Variants in ADAM23 observed in about 807,000 individuals in gnomAD.
ADAM23 encodes disintegrin and metalloproteinase domain-containing protein 23.
A neutral mutation model predicts 120.1 loss-of-function variants in ADAM23; 33 were observed. The ratio of observed to expected loss-of-function variants is 0.27; its 90% CI spans 0.21 to 0.37. The LOEUF (loss-of-function observed/expected upper bound fraction) is 0.37, where lower values mean the gene tolerates loss of function less well. Among genes scored for constraint, ADAM23 ranks in the 10% least tolerant of loss-of-function variants. ADAM23 has a pLI of 1.00. For synonymous variants in ADAM23, 367 were observed against 375.2 expected (o/e 0.98, Z 0.25); for missense variants, 862 against 1,058.2 (o/e 0.81, Z 2.57).
intron 24 of ADAM23, chr2:206,608,002 A>C (rs990964001): frequency 2.2e-6 from 1 of 451,374 alleles, no homozygotes; most frequent in African/African-American, 2.0e-5. Flanking sequence ...TCCAAAGCAT[A>C]GAGTATGTAC....
At chr2:206,611,457 C>CA (rs368508019) in intron 25 of ADAM23, among the ~76,000 whole-genome samples, 2 of 152,054 alleles carry the variant, frequency 1.3e-5, no homozygotes, top group African/African-American at 4.8e-5. Flanking sequence ...TCCACTGCTA[C>CA]AAAAAAGTCA....
At chr2:206,584,702 G>A (rs140713225) in intron 18 of ADAM23, among the ~76,000 whole-genome samples, 5 of 152,194 alleles carry the variant, frequency 3.3e-5, no homozygotes, top group Non-Finnish European at 4.4e-5. Flanking sequence ...GTTCTTCCCC[G>A]GCCTGTGAAG....
intron 3 of ADAM23, among the ~76,000 whole-genome samples, chr2:206,529,517 G>T (rs759375652): frequency 3.9e-5 from 6 of 151,956 alleles, no homozygotes; most frequent in Non-Finnish European, 7.4e-5. Context: ...TTCCACCTCA[G>T]GCTCCCTAGT....
chr2:206,533,553 A>T (rs1182242712), intron 4 of ADAM23, among the ~76,000 whole-genome samples: 3 of 152,304 alleles, frequency 2.0e-5, no homozygotes, highest in South Asian at 2.1e-4. Flanking sequence ...TTGTACACAC[A>T]CATGTAGACA....
intron 3 of ADAM23, among the ~76,000 whole-genome samples, chr2:206,527,250 A>G (rs1186893313): frequency 3.3e-5 from 5 of 152,252 alleles, no homozygotes; most frequent in African/African-American, 1.2e-4. Context: ...TGCTAAATAG[A>G]TGAGTATTAG....
chr2:206,562,514 C>G (rs1325423561), intron 13 of ADAM23, among the ~76,000 whole-genome samples: 4 of 152,108 alleles, frequency 2.6e-5, no homozygotes, highest in African/African-American at 9.7e-5. Flanking sequence ...TACCCAGTTT[C>G]TCCGGGAATG....
chr2:206,587,350 A>G lies in ADAM23; in HGVS notation c.1763A>G (p.Asp588Gly), dbSNP rs368513431. Reference protein sequence around the residue: ...GQCPPNLHKQDGYACNQNQGR... With the variant: ...GQCPPNLHKQGGYACNQNQGR... ...TGCCCACCAAATCTTCATAAGCAAG[A>G]CGGATATGCATGCAATCAAAATCAG... The change falls in exon 19 of 26, where the codon GAC becomes GGC. Residue 588 changes from aspartate (D) to glycine (G), a missense_variant. Around this residue, in one of 4 missense-constraint regions of ADAM23, gnomAD observed 617 missense variants for 813.5 expected, o/e 0.76. Transcript: ENST00000264377. 9.3e-6 allele frequency: 15 copies of G among 1,608,528 alleles called. No individual in the cohort carries two copies. The highest frequency in any genetic ancestry group is 1.3e-5 in the Non-Finnish European group (15 of 1,177,212).
chr2:206,563,824 G>T (rs1697820645), intron 13 of ADAM23, among the ~76,000 whole-genome samples: 1 of 151,742 alleles, frequency 6.6e-6, no homozygotes, highest in East Asian at 1.9e-4. Flanking sequence ...CCACCTCCTG[G>T]GTTCATGCCA....
rs537217145 is a variant in ADAM23 at position 206,594,658 on chromosome 2, T to A, written c.2079-79T>A. 25 of 1,536,316 alleles carry A rather than the reference T, an allele frequency of 1.6e-5. No homozygotes were observed. In the East Asian group the frequency reaches 3.9e-4, roughly 24 times the overall value. ...CATCCACTGACAGCCTCTTCGGTTT[T>A]GTGAAGAGCAAGCCTCATTCATGGA... On this transcript the variant is annotated intron_variant, in intron 22 of 25. Transcript: ENST00000264377.
intron 13 of ADAM23, 36 bp downstream of exon 13, chr2:206,562,329 C>T (rs1697784914): frequency 2.6e-6 from 4 of 1,518,082 alleles, no homozygotes; most frequent in Non-Finnish European, 2.7e-6. Flanking sequence ...TTTTCATGTG[C>T]CATTCTGTCT....
At chr2:206,593,331 C>T (rs1698461884) in intron 22 of ADAM23, among the ~76,000 whole-genome samples, 1 of 152,072 alleles carries the variant, frequency 6.6e-6, no homozygotes. Context: ...AGTTATAATT[C>T]GAAGATACTA....
intron 3 of ADAM23, among the ~76,000 whole-genome samples, chr2:206,498,186 T>C (rs1039342165): frequency 7.9e-5 from 12 of 152,186 alleles, no homozygotes; most frequent in African/African-American, 2.7e-4. Context: ...AGAGCCCGCA[T>C]TGCCAAGTCA....
intron 15 of ADAM23, among the ~76,000 whole-genome samples, chr2:206,569,589 T>C (rs1559269010): frequency 6.6e-6 from 1 of 152,174 alleles, no homozygotes; most frequent in Non-Finnish European, 1.5e-5. Flanking sequence ...CGTCTCAGGA[T>C]GGAGGCAGAG....
intron 11 of ADAM23, 54 bp from the exon 12 acceptor site, chr2:206,561,074 T>C: frequency 1.3e-6 from 2 of 1,489,234 alleles, no homozygotes; most frequent in Non-Finnish European, 1.9e-6. Context: ...TTTGGGAGAG[T>C]ATGAAATGAT....
In ADAM23 at chr2:206,620,759, A is replaced by G. The variant is rs954257659; in HGVS notation, c.*3132A>G. The G allele has an allele frequency of 6.6e-6, 1 of 152,226 alleles. No individual in the cohort carries two copies. Among genetic ancestry groups the G allele is most frequent in the Non-Finnish European group, 1.5e-5 (1 of 68,044 alleles). 9.4% of individuals were successfully genotyped at this position (152,226 alleles called of 1,614,324 possible). ...CCTACTAGATAACTGAGCAGTACAC[A>G]TAAGTGCATGTTATGAAACATGAAT... On this transcript the variant is annotated 3_prime_UTR_variant, in exon 26 of 26. Coordinates refer to ENST00000264377, the MANE Select transcript of ADAM23 (RefSeq NM_003812.4).
intron 3 of ADAM23, among the ~76,000 whole-genome samples, chr2:206,502,893 T>TA (rs1696418911): frequency 6.6e-6 from 1 of 152,294 alleles, no homozygotes; most frequent in South Asian, 2.1e-4. Flanking sequence ...CGTGGTAGAG[T>TA]ACCCTATATT....
chr2:206,574,806 C>T (rs1218574114), intron 18 of ADAM23, among the ~76,000 whole-genome samples: 1 of 152,122 alleles, frequency 6.6e-6, no homozygotes, highest in Non-Finnish European at 1.5e-5. Context: ...TAATATTGCC[C>T]TCTAAAATTC....
chr2:206,458,575 A>G (rs6716319), intron 2 of ADAM23, among the ~76,000 whole-genome samples: 47,485 of 152,022 alleles, frequency 0.31, 7,529 homozygotes, highest in African/African-American at 0.34. Context: ...TTTTCCATAA[A>G]CCTTTGCCTA....
intron 3 of ADAM23, among the ~76,000 whole-genome samples, chr2:206,513,165 C>G (rs1220415106): frequency 1.3e-5 from 2 of 152,150 alleles, no homozygotes; most frequent in Non-Finnish European, 2.9e-5. Flanking sequence ...AGTCACATGT[C>G]TCTCACTTGA....
Sources: allele counts gnomAD v4.1 joint callset (sites outside exome capture counted in the v4.1 genomes callset), GRCh38; gene constraint gnomAD v4.1.1; regional missense constraint gnomAD v4.1.1; transcripts MANE v1.5; gene names NCBI Gene and HGNC (gene_info 2026-07-23, HGNC 2026-07-21).